LNX2: variants seen among roughly 807,000 people sequenced by gnomAD.
LNX2 encodes ligand of numb-protein X 2.
LNX2 carries 35 observed loss-of-function variants against 66.2 expected under a neutral mutation model. The observed-to-expected ratio is 0.53, with a 90% CI of 0.40 to 0.70. The LOEUF is 0.70. Among genes scored for constraint, LNX2 ranks in the 30% least tolerant of loss-of-function variants. The probability of loss-of-function intolerance (pLI) is 0.00; values close to 1 mark genes in which losing one functional copy is unlikely to be tolerated. For missense variants in LNX2, 791 were observed against 850.8 expected (o/e 0.93, Z 0.87); for synonymous variants, 337 against 315.6 (o/e 1.07, Z -0.72).
In LNX2 at chr13:27,546,081, T is replaced by G. The variant is rs528661534; in HGVS notation, c.*2254A>C. Reference sequence around the variant, plus strand: ...ATAGTTCTATAGTAACAATAAATTATGAACAAGTTTCCGTCACCAAATATC... The same window carrying G: ...ATAGTTCTATAGTAACAATAAATTAGGAACAAGTTTCCGTCACCAAATATC... On this transcript the variant is annotated 3_prime_UTR_variant, in exon 10 of 10. Transcript: ENST00000316334. 2 of 152,356 alleles carry G rather than the reference T, an allele frequency of 1.3e-5. No individual in the cohort carries two copies. The highest frequency in any genetic ancestry group is 4.8e-5 in the African/African-American group (2 of 41,592). 9.4% of individuals were successfully genotyped at this position (152,356 alleles called of 1,614,324 possible).
chr13:27,616,160 C>T (rs573019274), intron 1 of LNX2, among the ~76,000 whole-genome samples: 40 of 6,312 alleles, frequency 6.3e-3, no homozygotes, highest in Admixed American at 0.024. Context: ...GGGACAATTG[C>T]AGGGGGTCGG....
chr13:27,550,302 G>C (rs752085493), intron 9 of LNX2, 31 bp downstream of exon 9: 13 of 1,592,488 alleles, frequency 8.2e-6, no homozygotes, highest in African/African-American at 1.3e-5. Flanking sequence ...TCATCAACAT[G>C]AATCACATCA....
chr13:27,582,554 T>C (rs1955412099), intron 1 of LNX2, among the ~76,000 whole-genome samples: 1 of 152,212 alleles, frequency 6.6e-6, no homozygotes. Flanking sequence ...TTGCTTCTGA[T>C]TGATTTTACA....
chr13:27,607,234 A>C (rs1445938590), intron 1 of LNX2, among the ~76,000 whole-genome samples: 1 of 152,206 alleles, frequency 6.6e-6, no homozygotes, highest in Non-Finnish European at 1.5e-5. Flanking sequence ...AGAAATAGAC[A>C]AATTTGTGTT....
At chr13:27,563,018 C>T (rs1476574635) in intron 4 of LNX2, among the ~76,000 whole-genome samples, 2 of 151,466 alleles carry the variant, frequency 1.3e-5, no homozygotes, top group Non-Finnish European at 2.9e-5. Context: ...GGATCACGGG[C>T]TTTAATGACG....
chr13:27,546,823 G>T lies in LNX2; in HGVS notation c.*1512C>A, dbSNP rs371154913. On this transcript the variant is annotated 3_prime_UTR_variant, in exon 10 of 10. Coordinates refer to ENST00000316334, the MANE Select transcript of LNX2 (RefSeq NM_153371.4). Reference sequence around the variant, plus strand: ...GTATGTATAATATTAATAAGGTAAAGATATTTTTATCTTATTCACTTATTT... The same window carrying T: ...GTATGTATAATATTAATAAGGTAAATATATTTTTATCTTATTCACTTATTT... 1 of 152,002 alleles carries T rather than the reference G, an allele frequency of 6.6e-6. No individual in the cohort carries two copies. The highest frequency in any genetic ancestry group is 1.5e-5 in the Non-Finnish European group (1 of 67,968). 9.4% of individuals were successfully genotyped at this position (152,002 alleles called of 1,614,324 possible).
intron 1 of LNX2, among the ~76,000 whole-genome samples, chr13:27,601,079 T>C (rs1955653139): frequency 6.6e-6 from 1 of 152,370 alleles, no homozygotes; most frequent in African/African-American, 2.4e-5. Context: ...ATTTATTCAC[T>C]ATTACTACAG....
intron 1 of LNX2, among the ~76,000 whole-genome samples, chr13:27,584,391 A>G (rs1016230160): frequency 7.0e-5 from 7 of 99,410 alleles, no homozygotes; most frequent in African/African-American, 2.9e-4. Context: ...TCTCTACAGA[A>G]AAAAAAAAAA....
chr13:27,616,647 A>G (rs1022536591), intron 1 of LNX2, among the ~76,000 whole-genome samples: 1 of 152,252 alleles, frequency 6.6e-6, no homozygotes, highest in Non-Finnish European at 1.5e-5. Flanking sequence ...TCCCAGCTCT[A>G]GGAAGCACAC....
chr13:27,616,567 T>G (rs1955829307), intron 1 of LNX2, among the ~76,000 whole-genome samples: 1 of 152,160 alleles, frequency 6.6e-6, no homozygotes. Flanking sequence ...TAGAATTTTA[T>G]TTTTGGTTTA....
chr13:27,608,260 C>T (rs1955738893), intron 1 of LNX2, among the ~76,000 whole-genome samples: 2 of 152,228 alleles, frequency 1.3e-5, no homozygotes, highest in South Asian at 4.1e-4. Flanking sequence ...CTTGTCACAA[C>T]TCTATGCTTT....
chr13:27,558,818 T>C (rs185139349), intron 6 of LNX2, among the ~76,000 whole-genome samples: 187 of 152,250 alleles, frequency 1.2e-3, no homozygotes, highest in Middle Eastern at 6.8e-3. Context: ...GACAAGTCTG[T>C]AGAGAACTTA....
At chr13:27,583,249 T>C (rs369424936) in intron 1 of LNX2, among the ~76,000 whole-genome samples, 34,819 of 46,420 alleles carry the variant, frequency 0.75, 14,369 homozygotes, top group Admixed American at 0.8. Flanking sequence ...TGTGTGTGTG[T>C]GTGTGTGCGC....
At chr13:27,556,160 G>T in intron 7 of LNX2, 76 bp downstream of exon 7, 1 of 1,360,782 alleles carries the variant, frequency 7.3e-7, no homozygotes, top group Non-Finnish European at 1.0e-6. Flanking sequence ...ATACTTTGTA[G>T]ATATTCTTTA....
At position 27,568,086 on chromosome 13, in the gene LNX2, C is replaced by G. The variant is rs1249435542; in HGVS notation, c.656-247G>C. Reference sequence around the variant, plus strand: ...ATGTATCAGATCACTAGGGACGACACAGTGATCTGATTAAGAAATATGAAA... The same window carrying G: ...ATGTATCAGATCACTAGGGACGACAGAGTGATCTGATTAAGAAATATGAAA... On this transcript the variant is annotated intron_variant, in intron 3 of 9. Transcript: ENST00000316334. Among the ~76,000 whole-genome samples, 7 of 152,080 alleles carry G rather than the reference C, an allele frequency of 4.6e-5. No individual in the cohort carries two copies. In the East Asian group the frequency reaches 1.4e-3, roughly 29 times the overall value.
intron 1 of LNX2, among the ~76,000 whole-genome samples, chr13:27,587,754 G>A (rs1955503717): frequency 6.6e-6 from 1 of 151,620 alleles, no homozygotes. Flanking sequence ...AGGCGCGGTG[G>A]CTCACGCCTG....
At chr13:27,590,985 T>A (rs1955540963) in intron 1 of LNX2, among the ~76,000 whole-genome samples, 1 of 152,062 alleles carries the variant, frequency 6.6e-6, no homozygotes, top group Non-Finnish European at 1.5e-5. Flanking sequence ...TACATATATA[T>A]GTGTGTGTGT....
intron 2 of LNX2, among the ~76,000 whole-genome samples, chr13:27,575,067 G>T (rs1955327911): frequency 6.6e-6 from 1 of 152,154 alleles, no homozygotes; most frequent in Non-Finnish European, 1.5e-5. Flanking sequence ...AACACTAAAA[G>T]AAGTCCATCA....
At chr13:27,588,021 C>CAAAA (rs56812051) in intron 1 of LNX2, among the ~76,000 whole-genome samples, 11 of 93,514 alleles carry the variant, frequency 1.2e-4, no homozygotes, top group Non-Finnish European at 2.2e-4. Flanking sequence ...ACTCTTGTCA[C>CAAAA]AAAAAAAAAA....
Sources: gnomAD v4.1 joint callset for allele counts (sites outside exome capture counted in the v4.1 genomes callset) on GRCh38, gnomAD v4.1.1 for gene constraint, MANE v1.5 for transcripts, NCBI Gene and HGNC (gene_info 2026-07-23, HGNC 2026-07-21) for gene names.